Variants in NAALAD2 observed in about 807,000 individuals in gnomAD.
NAALAD2 encodes the protein N-acetylated alpha-linked acidic dipeptidase 2, also known as N-acetylated-alpha-linked acidic dipeptidase 2.
A neutral mutation model predicts 95.6 loss-of-function variants in NAALAD2; 89 were observed. The observed-to-expected ratio is 0.93, with a 90% CI of 0.78 to 1.11. The LOEUF (loss-of-function observed/expected upper bound fraction) is 1.11, where lower values mean the gene tolerates loss of function less well. Ranked by LOEUF, NAALAD2 falls within the 50% of genes least tolerant of loss-of-function variation. The pLI is 0.00. For synonymous variants in NAALAD2, 264 were observed against 294.4 expected, an observed-to-expected ratio of 0.90 and a Z score of 1.06; for missense variants, 894 against 872.4, an observed-to-expected ratio of 1.02 and a Z score of -0.31.
intron 2 of NAALAD2, among the ~76,000 whole-genome samples, chr11:90,143,333 C>G (rs889105224): frequency 1.2e-4 from 18 of 152,054 alleles, no homozygotes; most frequent in African/African-American, 4.3e-4. Context: ...CTTTATTCTC[C>G]AAACATATTT....
intron 2 of NAALAD2, among the ~76,000 whole-genome samples, chr11:90,139,876 A>C (rs1210704416): frequency 6.6e-6 from 1 of 150,400 alleles, no homozygotes; most frequent in Non-Finnish European, 1.5e-5. Context: ...TTTTTTTAAC[A>C]ATAGTCCTTA....
At chr11:90,159,576 A>G (rs1253122009) in intron 8 of NAALAD2, among the ~76,000 whole-genome samples, 1 of 152,228 alleles carries the variant, frequency 6.6e-6, no homozygotes, top group Non-Finnish European at 1.5e-5. Flanking sequence ...TTAACATTTC[A>G]AAGATTTTTC....
intron 12 of NAALAD2, chr11:90,169,238 A>T (rs1224861793): frequency 3.0e-6 from 1 of 336,614 alleles, no homozygotes; most frequent in Non-Finnish European, 5.3e-6. Context: ...AATTTCTTTG[A>T]TATATTTACT....
At chr11:90,180,301 C>T (rs6483033) in intron 16 of NAALAD2, among the ~76,000 whole-genome samples, 63,252 of 151,870 alleles carry the variant, frequency 0.42, 13,456 homozygotes, top group African/African-American at 0.5. Context: ...AGCATTCTTT[C>T]CTCATAGTTT....
At position 90,163,573 on chromosome 11, in the gene NAALAD2, G is replaced by T. The variant is rs746262233; in HGVS notation, c.1234G>T (p.Asp412Tyr). ...AAGAACTATCATTTTTGCCAGCTGG[G>T]ATGCAGAAGAATTTGGACTTCTGGG... is the stretch of plus-strand genomic sequence containing the variant. ...PRRTIIFASW[D>Y]AEEFGLLGST... Residue 412 changes from aspartate (D) to tyrosine (Y), a missense_variant, in exon 11 of 19, where the codon GAT becomes TAT. By Grantham distance (160) the Asp-to-Tyr change is radical. Transcript: ENST00000534061. 5 of 1,614,058 alleles carry T rather than the reference G, an allele frequency of 3.1e-6. No individual in the cohort carries two copies. The highest frequency in any genetic ancestry group is 4.2e-6 in the Non-Finnish European group (5 of 1,179,964).
chr11:90,180,334 C>A (rs1167737601), intron 16 of NAALAD2, among the ~76,000 whole-genome samples: 1 of 152,108 alleles, frequency 6.6e-6, no homozygotes, highest in African/African-American at 2.4e-5. Flanking sequence ...TTATTACATT[C>A]TTTGGTTTGA....
chr11:90,174,067 C>G, intron 14 of NAALAD2, 152 bp downstream of exon 14: 1 of 637,704 alleles, frequency 1.6e-6, no homozygotes, highest in African/African-American at 1.9e-5. Context: ...CCCAGTAGCT[C>G]ACGCCTATAA....
At position 90,158,239 on chromosome 11, in the gene NAALAD2, G is replaced by T. The variant is rs542653358; in HGVS notation, c.890+1G>T. ...ATAATGATGCAGAAATATTATTACG[G>T]TATAGTTTTCTTGTTGGATATGAGA... On this transcript the variant is annotated splice_donor_variant, in intron 7 of 18. Transcript: ENST00000534061. LOFTEE classifies it high-confidence loss of function. The T allele has an allele frequency of 6.3e-6, 10 of 1,599,294 alleles. No homozygotes were observed. In the African/African-American group the frequency reaches 9.4e-5, roughly 15 times the overall value.
rs1857012000 is a variant in NAALAD2 at position 90,183,003 on chromosome 11, C to A, written c.2028C>A (p.Phe676Leu). ...CTCTTGGTTTACCAGGAAAGCTGTT[C>A]TATAGGTAAGGAAACAACAGGCGCC... The part of the protein sequence containing the change: ...IDPLGLPGKL[F>L]YRHIIFAPSS... Residue 676 changes from phenylalanine (F) to leucine (L), a missense_variant, in exon 18 of 19, where the codon TTC becomes TTA. By Grantham distance (22) the Phe-to-Leu change is conservative. Transcript: ENST00000534061. 6.2e-7 allele frequency: 1 copy of A among 1,611,554 alleles called. No homozygotes were observed. The highest frequency in any genetic ancestry group is 8.5e-7 in the Non-Finnish European group (1 of 1,177,966).
chr11:90,192,749 T>C lies in NAALAD2; in HGVS notation c.*1002T>C, dbSNP rs1027434456. The stretch of plus-strand genomic sequence containing the variant: ...ATAAACATATAAGTCTGATGGGTGA[T>C]GAAAATAGCTACTACAATCTTCATA... On this transcript the variant is annotated 3_prime_UTR_variant, in exon 19 of 19. Coordinates refer to ENST00000534061, the MANE Select transcript of NAALAD2 (RefSeq NM_005467.4). 1.3e-5 allele frequency: 2 copies of C among 151,982 alleles called. No individual in the cohort carries two copies. The highest frequency in any genetic ancestry group is 4.8e-5 in the African/African-American group (2 of 41,424). 9.4% of individuals were successfully genotyped at this position (151,982 alleles called of 1,614,324 possible). A position where few individuals can be genotyped will look rare whatever the true frequency, so the allele number is the denominator to read the frequency against.
At chr11:90,175,675 C>A (rs2134965182) in intron 14 of NAALAD2, among the ~76,000 whole-genome samples, 1 of 152,266 alleles carries the variant, frequency 6.6e-6, no homozygotes, top group Admixed American at 6.5e-5. Context: ...AGCATCATCA[C>A]AAGATGCAGT....
chr11:90,174,010 A>G (rs1952714472), intron 14 of NAALAD2, 95 bp downstream of exon 14: 7 of 874,096 alleles, frequency 8.0e-6, no homozygotes, highest in Non-Finnish European at 1.1e-5. Context: ...CAAGCGTCTC[A>G]TCAATAATTT....
At chr11:90,185,770 C>G (rs548421357) in intron 18 of NAALAD2, among the ~76,000 whole-genome samples, 99 of 151,600 alleles carry the variant, frequency 6.5e-4, no homozygotes, top group African/African-American at 2.3e-3. Context: ...AAAGTAATGG[C>G]ATTGTATGGA....
At chr11:90,135,998 T>A (rs1449699411) in intron 2 of NAALAD2, among the ~76,000 whole-genome samples, 1 of 152,172 alleles carries the variant, frequency 6.6e-6, no homozygotes. Context: ...GATACCATAT[T>A]CTGTCAGGGA....
At chr11:90,149,548 C>T (rs1017937888) in intron 4 of NAALAD2, among the ~76,000 whole-genome samples, 2 of 152,152 alleles carry the variant, frequency 1.3e-5, no homozygotes, top group African/African-American at 4.8e-5. Context: ...AATTCTCTTG[C>T]CTCAGCCTCC....
At chr11:90,169,167 A>G (rs536561377) in intron 12 of NAALAD2, 175 bp downstream of exon 12, 1 of 487,562 alleles carries the variant, frequency 2.1e-6, no homozygotes, top group Non-Finnish European at 3.6e-6. Flanking sequence ...TCATTTTGCC[A>G]CAGAGAAAAT....
In NAALAD2 at chr11:90,143,522, G is replaced by T. The variant is rs148690455; in HGVS notation, c.195-3808G>T. ...CAGTTTTACTATGTGTCTAGGCATA[G>T]TTTTCTTTAAATTTAGCCTGTTTAG... On this transcript the variant is annotated intron_variant, in intron 2 of 18. Transcript: ENST00000534061. Among the ~76,000 whole-genome samples, 833 of 152,224 alleles carry T rather than the reference G, an allele frequency of 5.5e-3. 8 individuals are homozygous for T. Among genetic ancestry groups the T allele is most frequent in the African/African-American group, 0.019 (794 of 41,558 alleles).
At chr11:90,132,480 TGGG>T (rs1951367284), upstream of NAALAD2, among the ~76,000 whole-genome samples, 1 of 152,174 alleles carries the variant, frequency 6.6e-6, no homozygotes. Flanking sequence ...AATGGTCCAA[TGGG>T]TAGCAAATAG....
In NAALAD2 at chr11:90,144,740, T is replaced by TAAA. The variant is rs773275468; in HGVS notation, c.195-2577_195-2575dup. 1.9e-4 allele frequency among the ~76,000 whole-genome samples: 17 copies of TAAA among 90,908 alleles called. 2 individuals are homozygous for TAAA. Among genetic ancestry groups the TAAA allele is most frequent in the African/African-American group, 5.9e-4 (12 of 20,290 alleles). The allele number at this position is 90,908 out of a possible 152,430, so 59.6% of individuals were successfully genotyped here. On this transcript the variant is annotated intron_variant, in intron 2 of 18. Transcript: ENST00000534061. The stretch of plus-strand genomic sequence containing the variant: ...CTGGGCAACAAGAGCAAAACTCCAT[T>TAAA]AAAAAAAAAAAAAAACGGAAAAGAA...
Sources: gnomAD v4.1 joint callset for allele counts (sites outside exome capture counted in the v4.1 genomes callset) on GRCh38, gnomAD v4.1.1 for gene constraint, MANE v1.5 for transcripts, NCBI Gene and HGNC (gene_info 2026-07-23, HGNC 2026-07-21) for gene names.